ABI3: variants seen among roughly 807,000 people sequenced by gnomAD.
ABI3 encodes ABI gene family member 3.
A neutral mutation model predicts 37.0 loss-of-function variants in ABI3; 24 were observed. The ratio of observed to expected loss-of-function variants is 0.65; its 90% CI spans 0.47 to 0.91. The LOEUF (loss-of-function observed/expected upper bound fraction) is 0.91. Ranked by LOEUF, ABI3 falls within the 40% of genes least tolerant of loss-of-function variation. The probability of loss-of-function intolerance (pLI) is 0.00; values close to 1 mark genes in which losing one functional copy is unlikely to be tolerated. For synonymous variants in ABI3, 220 were observed against 211.8 expected, an observed-to-expected ratio of 1.04 and a Z score of -0.34; for missense variants, 481 against 485.1, an observed-to-expected ratio of 0.99 and a Z score of 0.08.
Position 49,217,721 on chromosome 17 carries a change from T to G in ABI3, c.286-18T>G, listed in dbSNP as rs2043235708. 10 of 1,599,888 alleles carry G rather than the reference T, an allele frequency of 6.3e-6. No individual in the cohort carries two copies. In the South Asian group the frequency reaches 1.0e-4, roughly 16 times the overall value. On this transcript the variant is annotated intron_variant, in intron 2 of 7. Coordinates refer to ENST00000225941, the MANE Select transcript of ABI3 (RefSeq NM_016428.3). ...ACACAGACCACCCCTCTCTGTCACC[T>G]TGAACCCTGTCATGCAGATGGTGAA...
chr17:49,210,907 A>G lies in ABI3; in HGVS notation c.117+66A>G. 11 of 1,350,078 alleles carry G rather than the reference A, an allele frequency of 8.1e-6. No individual in the cohort carries two copies. The highest frequency in any genetic ancestry group is 7.8e-5 in the South Asian group (6 of 76,912). 83.6% of individuals were successfully genotyped at this position (1,350,078 alleles called of 1,614,324 possible). A position where few individuals can be genotyped will look rare whatever the true frequency, so the allele number is the denominator to read the frequency against. On this transcript the variant is annotated intron_variant, in intron 1 of 7. Coordinates refer to ENST00000225941, the MANE Select transcript of ABI3 (RefSeq NM_016428.3). The surrounding 1 kb of genome is among the most constrained non-coding windows in gnomAD (Gnocchi z 4.2). ...AGGGGGGACCCTGAGCCCTGCCCCA[A>G]GTGGGGCCCTGGGACCCATCCTGAC... is the stretch of plus-strand genomic sequence containing the variant.
rs2043156732 is a variant in ABI3, at chr17:49,210,760, C to T, written c.36C>T (p.Ile12=). 1 of 1,555,932 alleles carries T rather than the reference C, an allele frequency of 6.4e-7. No individual in the cohort carries two copies. Among genetic ancestry groups the T allele is most frequent in the South Asian group, 1.2e-5 (1 of 84,372 alleles). Residue 12 remains isoleucine, a synonymous_variant, in exon 1 of 8, where the codon ATC becomes ATT. Coordinates refer to ENST00000225941, the MANE Select transcript of ABI3 (RefSeq NM_016428.3). The surrounding 1 kb of genome is among the most constrained non-coding windows in gnomAD (Gnocchi z 4.2). ...AELQQLQEFE[I]PTGREALRGN... The stretch of plus-strand genomic sequence containing the variant: ...TACAGCAGCTGCAGGAGTTTGAGAT[C>T]CCCACTGGCCGGGAGGCTCTGAGGG...
intron 1 of ABI3, among the ~76,000 whole-genome samples, chr17:49,213,391 TTATC>T (rs2043188791): frequency 6.6e-6 from 1 of 152,160 alleles, no homozygotes; most frequent in Non-Finnish European, 1.5e-5. Context: ...CTGAGGATCT[TTATC>T]TAGGCAAATG....
Position 49,210,795 on chromosome 17 carries a change from G to C in ABI3, c.71G>C (p.Ser24Thr), listed in dbSNP as rs1285866992. The stretch of plus-strand genomic sequence containing the variant: ...CGGGAGGCTCTGAGGGGCAACCACA[G>C]TGCCCTGCTGCGGGTCGCTGACTAC... Reference protein sequence around the residue: ...TGREALRGNHSALLRVADYCE... With the variant: ...TGREALRGNHTALLRVADYCE... The change falls in exon 1 of 8, where the codon AGT (serine) becomes ACT (threonine). Residue 24 changes from serine to threonine, a missense_variant. Transcript: ENST00000225941. The surrounding 1 kb of genome is among the most constrained non-coding windows in gnomAD (Gnocchi z 4.2). 1 of 1,556,150 alleles carries C rather than the reference G, an allele frequency of 6.4e-7. No individual in the cohort carries two copies. Among genetic ancestry groups the C allele is most frequent in the South Asian group, 1.2e-5 (1 of 84,456 alleles).
Position 49,220,343 on chromosome 17 carries a change from T to C in ABI3, c.802+17T>C. 1.3e-6 allele frequency: 2 copies of C among 1,560,366 alleles called. No individual in the cohort carries two copies. The highest frequency in any genetic ancestry group is 1.7e-6 in the Non-Finnish European group (2 of 1,151,534). On this transcript the variant is annotated intron_variant, in intron 6 of 7. Coordinates refer to ENST00000225941, the MANE Select transcript of ABI3 (RefSeq NM_016428.3). ...CCCCACCGGGTAAGGAGGTCCACCC[T>C]CTTCTTCCCAACCGTGGGGTCGCTT...
chr17:49,217,774 G>C lies in ABI3; in HGVS notation c.321G>C (p.Arg107Ser), dbSNP rs1182971415. Residue 107 changes from arginine (R) to serine (S), a missense_variant, in exon 3 of 8, where the codon AGG becomes AGC. Coordinates refer to ENST00000225941, the MANE Select transcript of ABI3 (RefSeq NM_016428.3). ...TGCATATGGAGAAGGTGGCCCGAAG[G>C]GAGATCGGCACCTTAGCCACTGTCC... ...VNMHMEKVAR[R>S]EIGTLATVQR... is the part of the protein sequence containing the mutation. 3.1e-6 allele frequency: 5 copies of C among 1,611,348 alleles called. No individual in the cohort carries two copies. The highest frequency in any genetic ancestry group is 4.2e-6 in the Non-Finnish European group (5 of 1,178,872).
rs556355860 is a variant in ABI3, at chr17:49,210,729, C to T, written c.5C>T (p.Ala2Val). 1.2e-5 allele frequency: 18 copies of T among 1,555,624 alleles called. No homozygotes were observed. The highest frequency in any genetic ancestry group is 5.8e-5 in the Admixed American group (3 of 51,840). ...GCCAGACAGAGGCTGGGGGTGATGG[C>T]GGAGCTACAGCAGCTGCAGGAGTTT... MAELQQLQEFEI... is the reference protein window; with the variant it reads MVELQQLQEFEI... Residue 2 changes from alanine (A) to valine (V), a missense_variant, in exon 1 of 8, where the codon GCG (alanine) becomes GTG (valine). Ala to Val is a moderately conservative substitution (Grantham distance 64). Transcript: ENST00000225941. The surrounding 1 kb of genome is among the most constrained non-coding windows in gnomAD (Gnocchi z 4.2).
At position 49,217,866 on chromosome 17, in the gene ABI3, G is replaced by A; in HGVS notation, c.413G>A (p.Arg138Lys). Residue 138 changes from arginine (R) to lysine (K), a missense_variant, in exon 3 of 8, where the codon AGG becomes AAG. Physicochemically the swap from Arg to Lys is conservative, Grantham distance 26 (BLOSUM62 2). Coordinates refer to ENST00000225941, the MANE Select transcript of ABI3 (RefSeq NM_016428.3). The stretch of plus-strand genomic sequence containing the variant: ...CTACCCCCTCTCACGCCCTACTGCA[G>A]GAGACCCCTCAACTTTGGCTGCCTG... ...ENLPPLTPYC[R>K]RPLNFGCLDD... 2 of 1,593,756 alleles carry A rather than the reference G, an allele frequency of 1.3e-6. No individual in the cohort carries two copies. Among genetic ancestry groups the A allele is most frequent in the Non-Finnish European group, 1.7e-6 (2 of 1,171,648 alleles).
At chr17:49,220,853 A>G (rs113201977) in intron 6 of ABI3, among the ~76,000 whole-genome samples, 5,748 of 27,604 alleles carry the variant, frequency 0.21, 167 homozygotes, top group Non-Finnish European at 0.3. Context: ...TCAAAATAAT[A>G]ATAATAATAA....
At position 49,210,981 on chromosome 17, in the gene ABI3, G is replaced by A. The variant is rs947213755; in HGVS notation, c.117+140G>A. ...GAGAAATCCTCCCATTCCAGGCTTC[G>A]GCTTCATCCCAGACCCCAATACTTA... On this transcript the variant is annotated intron_variant, in intron 1 of 7. Transcript: ENST00000225941. This position sits in a 1 kb window ranked among gnomAD's most constrained non-coding sequence, Gnocchi z 4.2. 3.5e-5 allele frequency: 24 copies of A among 689,218 alleles called. No homozygotes were observed. The South Asian group carries it at 3.5e-4, about 10-fold the overall frequency. 42.7% of individuals were successfully genotyped at this position (689,218 alleles called of 1,614,324 possible).
rs374915787 is a variant in ABI3, at chr17:49,216,657, G to A, written c.244G>A (p.Ala82Thr). Residue 82 changes from alanine (A) to threonine (T), a missense_variant, in exon 2 of 8, where the codon GCC becomes ACC. Coordinates refer to ENST00000225941, the MANE Select transcript of ABI3 (RefSeq NM_016428.3). ...GCGCATGTTGGACCTGCAGGGGGCC[G>A]CCCTGCGGCAGGTGGAAGCCCGTGT... ...TLRMLDLQGAALRQVEARVST... is the reference protein window; with the variant it reads ...TLRMLDLQGATLRQVEARVST... 34 of 1,606,162 alleles carry A rather than the reference G, an allele frequency of 2.1e-5. No homozygotes were observed. The highest frequency in any genetic ancestry group is 4.4e-5 in the South Asian group (4 of 90,030).
Position 49,223,183 on chromosome 17 carries a change from C to T in ABI3, c.*468C>T. 1 of 399,026 alleles carries T rather than the reference C, an allele frequency of 2.5e-6. No individual in the cohort carries two copies. The highest frequency in any genetic ancestry group is 3.6e-5 in the East Asian group (1 of 27,916). 24.7% of individuals were successfully genotyped at this position (399,026 alleles called of 1,614,324 possible). On this transcript the variant is annotated 3_prime_UTR_variant, in exon 8 of 8. Coordinates refer to ENST00000225941, the MANE Select transcript of ABI3 (RefSeq NM_016428.3). ...TGCAGCCCACATTGGACCCCAGACACCCCTCTGCAGCCATTGACTGCAACT... is the reference window on the plus strand; with the variant it reads ...TGCAGCCCACATTGGACCCCAGACATCCCTCTGCAGCCATTGACTGCAACT...
intron 6 of ABI3, among the ~76,000 whole-genome samples, chr17:49,221,266 CG>C (rs2043284032): frequency 6.6e-6 from 1 of 151,422 alleles, no homozygotes; most frequent in Non-Finnish European, 1.5e-5. Context: ...GTCAGGAGAT[CG>C]AGACCATCCT....
chr17:49,213,433 T>G (rs627386), intron 1 of ABI3, among the ~76,000 whole-genome samples: 146,841 of 152,194 alleles, frequency 0.96, 70,896 homozygotes, highest in South Asian at 0.99. Flanking sequence ...TCTCAGAACT[T>G]CTGTTACCTA....
chr17:49,219,665 C>A lies in ABI3; in HGVS notation c.548+40C>A. On this transcript the variant is annotated intron_variant, in intron 4 of 7. Transcript: ENST00000225941. This position sits in a 1 kb window ranked among gnomAD's most constrained non-coding sequence, Gnocchi z 4.3. ...CGACGCCAACTAGCCTAGCCCTGCC[C>A]CGCGCGACCCTGAAACTCTCCTCCC... 1 of 1,539,744 alleles carries A rather than the reference C, an allele frequency of 6.5e-7. No homozygotes were observed. Among genetic ancestry groups the A allele is most frequent in the South Asian group, 1.2e-5 (1 of 84,720 alleles).
In ABI3 at chr17:49,222,177, T is replaced by C; in HGVS notation, c.889T>C (p.Phe297Leu). ...GGGGCTGCCTCCACCCCCACCAGGA[T>C]TTGGGCCTGATGAGCCCAGCTGGGT... is the stretch of plus-strand genomic sequence containing the variant. ...ELGLPPPPPGFGPDEPSWVPA... is the reference protein window; with the variant it reads ...ELGLPPPPPGLGPDEPSWVPA... The change falls in exon 7 of 8, where the codon TTT (phenylalanine) becomes CTT (leucine). Residue 297 changes from phenylalanine (F) to leucine (L), a missense_variant. Coordinates refer to ENST00000225941, the MANE Select transcript of ABI3 (RefSeq NM_016428.3). The C allele has an allele frequency of 4.3e-6, 7 of 1,613,772 alleles. No individual in the cohort carries two copies. Among genetic ancestry groups the C allele is most frequent in the Non-Finnish European group, 5.9e-6 (7 of 1,179,852 alleles).
chr17:49,219,801 C>G lies in ABI3; in HGVS notation c.549-57C>G. Reference sequence around the variant, plus strand: ...TGCCCTTCCTGCTCGCACCCGACCCCTGCTGGCCAGAAGCCTTCCTCCTTC... The same window carrying G: ...TGCCCTTCCTGCTCGCACCCGACCCGTGCTGGCCAGAAGCCTTCCTCCTTC... On this transcript the variant is annotated intron_variant, in intron 4 of 7. Transcript: ENST00000225941. This position sits in a 1 kb window ranked among gnomAD's most constrained non-coding sequence, Gnocchi z 4.3. The G allele has an allele frequency of 6.6e-7, 1 of 1,514,404 alleles. No homozygotes were observed. The highest frequency in any genetic ancestry group is 8.9e-7 in the Non-Finnish European group (1 of 1,125,264). The allele number at this position is 1,514,404 out of a possible 1,614,324, so 93.8% of individuals were successfully genotyped here.
chr17:49,213,652 C>T (rs959314029), intron 1 of ABI3, among the ~76,000 whole-genome samples: 15 of 152,222 alleles, frequency 9.9e-5, no homozygotes, highest in Non-Finnish European at 1.9e-4. Flanking sequence ...CCTGTCCCTG[C>T]GGACCTAACT....
At chr17:49,213,969 A>G (rs964942485) in intron 1 of ABI3, among the ~76,000 whole-genome samples, 3 of 152,204 alleles carry the variant, frequency 2.0e-5, no homozygotes, top group African/African-American at 4.8e-5. Context: ...TTGGTGACCT[A>G]TGCTGAGGAG....
Sources: gnomAD v4.1 joint callset for allele counts (sites outside exome capture counted in the v4.1 genomes callset) on GRCh38, gnomAD v4.1.1 for gene constraint, Gnocchi (gnomAD v3.1) non-coding constraint, MANE v1.5 for transcripts, NCBI Gene and HGNC (gene_info 2026-07-23, HGNC 2026-07-21) for gene names.